PML: variants seen among roughly 807,000 people sequenced by gnomAD.
PML encodes PML nuclear body scaffold, also known as protein PML.
PML carries 28 observed loss-of-function variants against 65.2 expected under a neutral mutation model. That is an observed-to-expected ratio of 0.43 (90% CI 0.32 to 0.59). The LOEUF is 0.59. Ranked by LOEUF, PML falls within the 20% of genes least tolerant of loss-of-function variation. The pLI is 0.08. For synonymous variants in PML, 500 were observed against 508.8 expected, an observed-to-expected ratio of 0.98 and a Z score of 0.23; for missense variants, 1,021 against 1,203.4, an observed-to-expected ratio of 0.85 and a Z score of 2.24.
intron 1 of PML, among the ~76,000 whole-genome samples, chr15:73,996,302 A>C (rs1205888378): frequency 6.6e-6 from 1 of 152,268 alleles, no homozygotes; most frequent in African/African-American, 2.4e-5. Flanking sequence ...TAGCCTATGA[A>C]TTAAATAGTC....
At chr15:74,025,133 T>A in intron 4 of PML, 1 of 577,064 alleles carries the variant, frequency 1.7e-6, no homozygotes, top group South Asian at 1.9e-5. Context: ...GGCTCCTAAA[T>A]GCCAAAGTTG....
At position 74,047,571 on chromosome 15, in the gene PML, T is replaced by G. The variant is rs1308568229; in HGVS notation, c.*2563T>G. On this transcript the variant is annotated 3_prime_UTR_variant, in exon 9 of 9. Transcript: ENST00000268058. ...AAGTCAGGACACTGAGTTTCAATCC[T>G]CACTTAGTAGTCTGTGGCCCTCTTT... is the stretch of plus-strand genomic sequence containing the variant. The G allele has an allele frequency of 4.6e-6, 1 of 216,442 alleles. No homozygotes were observed. The highest frequency in any genetic ancestry group is 9.3e-6 in the Non-Finnish European group (1 of 107,548). 13.4% of individuals were successfully genotyped at this position (216,442 alleles called of 1,614,324 possible).
rs1595924227 is a variant in PML, at chr15:74,045,423, C to G, written c.*415C>G. On this transcript the variant is annotated 3_prime_UTR_variant, in exon 9 of 9. Transcript: ENST00000268058. ...ACCTGCTGACAGCTCCCACACAGAA[C>G]AGTCTGAGGTGATGCTGGCTACAGC... The G allele has an allele frequency of 3.7e-6, 1 of 266,798 alleles. No homozygotes were observed. The allele number at this position is 266,798 out of a possible 1,614,324, so 16.5% of individuals were successfully genotyped here. A position where few individuals can be genotyped will look rare whatever the true frequency, so the allele number is the denominator to read the frequency against.
intron 2 of PML, among the ~76,000 whole-genome samples, chr15:74,005,788 AGGTCCTGC>A (rs2070017341): frequency 6.6e-6 from 1 of 152,140 alleles, no homozygotes; most frequent in Non-Finnish European, 1.5e-5. Flanking sequence ...TTCTCTTCAT[AGGTCCTGC>A]GGTCTGTGCT....
intron 7 of PML, chr15:74,041,578 T>A (rs970088831): frequency 6.6e-6 from 1 of 152,238 alleles, no homozygotes; most frequent in Non-Finnish European, 1.5e-5. Flanking sequence ...ATAGTGAGTG[T>A]CTGCTTCTGA....
chr15:73,998,027 G>A lies in PML; in HGVS notation c.153G>A (p.Glu51=). The change falls in exon 2 of 9, where the codon GAG becomes GAA. Residue 51 remains glutamate, a synonymous_variant. Transcript: ENST00000268058. Reference sequence around the variant, plus strand: ...AGCGAGCCCCCGCTTCGGAGGAGGAGTTCCAGTTTCTGCGCTGCCAGCAAT... The same window carrying A: ...AGCGAGCCCCCGCTTCGGAGGAGGAATTCCAGTTTCTGCGCTGCCAGCAAT... The part of the protein sequence containing the change: ...PTERAPASEE[E]FQFLRCQQCQ... 1.2e-6 allele frequency: 2 copies of A among 1,612,548 alleles called. No individual in the cohort carries two copies. The highest frequency in any genetic ancestry group is 1.7e-5 in the Admixed American group (1 of 60,030).
chr15:74,033,738 G>T (rs2071422185), intron 6 of PML: 4 of 609,414 alleles, frequency 6.6e-6, no homozygotes. Context: ...CATACTCCCA[G>T]AGAGGGCTTG....
At chr15:74,031,272 T>G (rs970624018) in intron 4 of PML, 2 of 440,152 alleles carry the variant, frequency 4.5e-6, no homozygotes, top group Non-Finnish European at 4.6e-6. Flanking sequence ...TTAAAAAAAT[T>G]TATTATTATT....
At position 73,994,823 on chromosome 15, in the gene PML, C is replaced by T. The variant is rs1225562023; in HGVS notation, c.11C>T (p.Ala4Val). The T allele has an allele frequency of 6.4e-7, 1 of 1,556,492 alleles. No homozygotes were observed. Among genetic ancestry groups the T allele is most frequent in the Non-Finnish European group, 8.7e-7 (1 of 1,149,836 alleles). Residue 4 changes from alanine to valine, a missense_variant, in exon 1 of 9, where the codon GCA becomes GTA. Transcript: ENST00000268058. ...ACTAAGCTGGGGTCCATGGAGCCTG[C>T]ACCCGCCCGATCTCCGAGGCCCCAG... MEP[A>V]PARSPRPQQD...
At chr15:74,040,596 G>A (rs1451476259) in intron 7 of PML, among the ~76,000 whole-genome samples, 2 of 152,224 alleles carry the variant, frequency 1.3e-5, no homozygotes, top group Non-Finnish European at 2.9e-5. Flanking sequence ...AGAAAGTCTT[G>A]TTTAAATGCG....
intron 2 of PML, among the ~76,000 whole-genome samples, chr15:73,999,353 A>G (rs2069653630): frequency 6.6e-6 from 1 of 152,306 alleles, no homozygotes; most frequent in East Asian, 1.9e-4. Context: ...AAATGAAAGC[A>G]TTTTTCGCTG....
In PML at chr15:74,043,278, C is replaced by G. The variant is rs942999767; in HGVS notation, c.1861+139C>G. The G allele has an allele frequency of 6.4e-7, 1 of 1,551,042 alleles. No individual in the cohort carries two copies. The highest frequency in any genetic ancestry group is 8.7e-7 in the Non-Finnish European group (1 of 1,152,148). On this transcript the variant is annotated intron_variant, in intron 8 of 8. Transcript: ENST00000268058. This position sits in a 1 kb window ranked among gnomAD's most constrained non-coding sequence, Gnocchi z 4.3. ...AACTGCAGCCAGGCTGGGCAGAGCA[C>G]TCCGGCTCACCTGGGCTCCTGGCGT...
intron 3 of PML, among the ~76,000 whole-genome samples, chr15:74,024,007 C>T (rs1458418321): frequency 6.6e-6 from 1 of 152,092 alleles, no homozygotes; most frequent in Non-Finnish European, 1.5e-5. Context: ...AGCCACTTCA[C>T]GTAGCTGGAG....
In PML at chr15:74,044,862, C is replaced by T; in HGVS notation, c.2503C>T (p.Pro835Ser). The T allele has an allele frequency of 6.2e-7, 1 of 1,613,472 alleles. No homozygotes were observed. Among genetic ancestry groups the T allele is most frequent in the Non-Finnish European group, 8.5e-7 (1 of 1,180,010 alleles). ...TCTAAGCCTGCAGACCACCACGTTG[C>T]CCCCTGCCCAGCCTGCTTTCAACCT... ...RYLSLQTTTL[P>S]PAQPAFNLQA... The change falls in exon 9 of 9, where the codon CCC (proline) becomes TCC (serine). Residue 835 changes from proline to serine, a missense_variant. By Grantham distance (74) the Pro-to-Ser change is moderately conservative (BLOSUM62 -1). Transcript: ENST00000268058.
intron 7 of PML, chr15:74,036,461 T>C (rs1440977604): frequency 8.0e-7 from 1 of 1,250,924 alleles, no homozygotes; most frequent in Non-Finnish European, 1.0e-6. Context: ...CTGCAGGCTG[T>C]TCTCTCTTCC....
intron 4 of PML, chr15:74,026,693 C>G (rs2071092752): frequency 1.3e-5 from 2 of 152,204 alleles, no homozygotes; most frequent in African/African-American, 2.4e-5. Flanking sequence ...CTCTGTCACC[C>G]AGGCTGGAGT....
intron 6 of PML, 162 bp from the exon 7 acceptor site, chr15:74,034,316 G>T: frequency 1.2e-6 from 1 of 839,558 alleles, no homozygotes; most frequent in Non-Finnish European, 2.0e-6. Flanking sequence ...CAAATGCAAA[G>T]CAGAGTCACA....
intron 3 of PML, 72 bp from the exon 4 acceptor site, chr15:74,024,785 C>T: frequency 2.8e-6 from 3 of 1,089,114 alleles, no homozygotes; most frequent in Non-Finnish European, 4.3e-6. Flanking sequence ...TCCTCTCTAT[C>T]ACTGTCCCAG....
In PML at chr15:74,035,054, C is replaced by G; in HGVS notation, c.1710+524C>G. On this transcript the variant is annotated intron_variant, in intron 7 of 8. Coordinates refer to ENST00000268058, the MANE Select transcript of PML (RefSeq NM_033238.3). The surrounding 1 kb of genome is among the most constrained non-coding windows in gnomAD (Gnocchi z 4.1). The stretch of plus-strand genomic sequence containing the variant: ...CCCTTCTGTCCCTAGAGGTTTATTA[C>G]TAGAGGCTGGACTATCACCTGTCCA... 1 of 1,393,822 alleles carries G rather than the reference C, an allele frequency of 7.2e-7. No individual in the cohort carries two copies. The highest frequency in any genetic ancestry group is 1.0e-6 in the Non-Finnish European group (1 of 992,444). 86.3% of individuals were successfully genotyped at this position (1,393,822 alleles called of 1,614,324 possible).
Sources: allele counts gnomAD v4.1 joint callset (sites outside exome capture counted in the v4.1 genomes callset), GRCh38; gene constraint gnomAD v4.1.1; non-coding constraint Gnocchi (gnomAD v3.1); transcripts MANE v1.5; gene names NCBI Gene and HGNC (gene_info 2026-07-23, HGNC 2026-07-21).